Variants in GRB10 observed in about 807,000 individuals in gnomAD.
The protein encoded by GRB10 is growth factor receptor bound protein 10, also known as growth factor receptor-bound protein 10.
In GRB10, 20 loss-of-function variants were observed where a neutral mutation model predicts 80.9. The ratio of observed to expected loss-of-function variants is 0.25; its 90% CI spans 0.17 to 0.36. The LOEUF (loss-of-function observed/expected upper bound fraction) is 0.36, where lower values mean the gene tolerates loss of function less well. GRB10 is among the 10% of genes least tolerant of loss of function. The pLI is 1.00. For missense variants in GRB10, 548 were observed against 747.7 expected (o/e 0.73, Z 3.12); for synonymous variants, 291 against 291.5 (o/e 1.00, Z 0.02).
intron 1 of GRB10, among the ~76,000 whole-genome samples, chr7:50,790,850 G>T (rs1282209536): frequency 6.6e-6 from 1 of 152,244 alleles, no homozygotes; most frequent in East Asian, 1.9e-4. Flanking sequence ...GCTGGAGTTT[G>T]ATTTCTACAC....
At chr7:50,631,951 C>T (rs1339202766) in intron 7 of GRB10, among the ~76,000 whole-genome samples, 1 of 152,192 alleles carries the variant, frequency 6.6e-6, no homozygotes, top group Admixed American at 6.5e-5. Flanking sequence ...CTGCAACCCA[C>T]TACCCAGCGT....
chr7:50,628,483 G>GACCCTCCTACAGCTAGCT (rs2053402551), intron 7 of GRB10, among the ~76,000 whole-genome samples: 1 of 151,972 alleles, frequency 6.6e-6, no homozygotes, highest in Non-Finnish European at 1.5e-5. Context: ...GGACCCTCTT[G>GACCCTCCTACAGCTAGCT]ACCCTCCTAC....
At chr7:50,676,874 G>A (rs747463277) in intron 5 of GRB10, among the ~76,000 whole-genome samples, 2 of 152,162 alleles carry the variant, frequency 1.3e-5, no homozygotes, top group Non-Finnish European at 2.9e-5. Flanking sequence ...GGTGAAGACA[G>A]ACAGATAGAA....
chr7:50,704,777 T>C (rs2064809341), intron 4 of GRB10, among the ~76,000 whole-genome samples: 1 of 152,228 alleles, frequency 6.6e-6, no homozygotes, highest in Non-Finnish European at 1.5e-5. Flanking sequence ...TGCGAGGTGC[T>C]GGCGACAGCC....
In GRB10 at chr7:50,674,615, T is replaced by G; in HGVS notation, c.183A>C (p.Ala61=). 1 of 1,613,886 alleles carries G rather than the reference T, an allele frequency of 6.2e-7. No individual in the cohort carries two copies. The change falls in exon 6 of 19, where the codon GCA becomes GCC. Residue 61 remains alanine, a synonymous_variant. Transcript: ENST00000401949. ...AGGCCGAGTACAGGCTCTCCAGGGATGCATTCATATCGTTCACCAGGGCTT... is the reference window on the plus strand; with the variant it reads ...AGGCCGAGTACAGGCTCTCCAGGGAGGCATTCATATCGTTCACCAGGGCTT... ...DLEALVNDMN[A]SLESLYSACS...
intron 3 of GRB10, among the ~76,000 whole-genome samples, chr7:50,744,229 G>A (rs1256231435): frequency 6.6e-6 from 1 of 152,168 alleles, no homozygotes; most frequent in African/African-American, 2.4e-5. Context: ...GAAAAGAAAA[G>A]AAACCGCGTA....
intron 13 of GRB10, among the ~76,000 whole-genome samples, chr7:50,610,692 T>A (rs999723760): frequency 1.3e-5 from 2 of 152,198 alleles, no homozygotes; most frequent in Non-Finnish European, 2.9e-5. Flanking sequence ...ATAATATGCA[T>A]GTCACTGAGC....
chr7:50,622,097 G>A (rs574856329), intron 8 of GRB10, among the ~76,000 whole-genome samples: 2 of 152,290 alleles, frequency 1.3e-5, no homozygotes, highest in African/African-American at 2.4e-5. Context: ...CCCACCCAAG[G>A]GAGAGAAAAG....
intron 2 of GRB10, among the ~76,000 whole-genome samples, chr7:50,769,690 C>CTG (rs2076773012): frequency 6.6e-6 from 1 of 152,094 alleles, no homozygotes; most frequent in South Asian, 2.1e-4. Flanking sequence ...ACAGCCACAT[C>CTG]TGTGTGTGTA....
At chr7:50,740,984 A>G (rs2071635218) in intron 3 of GRB10, among the ~76,000 whole-genome samples, 1 of 152,228 alleles carries the variant, frequency 6.6e-6, no homozygotes, top group African/African-American at 2.4e-5. Context: ...CAAAGAAACA[A>G]TAATCCAAAT....
chr7:50,790,127 G>A (rs28464059), intron 1 of GRB10, among the ~76,000 whole-genome samples: 14,030 of 152,228 alleles, frequency 0.092, 2,160 homozygotes, highest in African/African-American at 0.32. Context: ...CCAGCCAAGA[G>A]GAACAAGGAG....
Position 50,713,452 on chromosome 7 carries a change from T to G in GRB10, c.52-9544A>C, listed in dbSNP as rs1186826258. ...CCCCCACCATCATTTCATTACCACC[T>G]CCATCATCACCTCCAGCACTTCAAC... On this transcript the variant is annotated intron_variant, in intron 4 of 18. Coordinates refer to ENST00000401949, the MANE Select transcript of GRB10 (RefSeq NM_001350814.2). Among the ~76,000 whole-genome samples, 3 of 138,958 alleles carry G rather than the reference T, an allele frequency of 2.2e-5. No individual in the cohort carries two copies. In the South Asian group the frequency reaches 7.5e-4, roughly 35 times the overall value. 91.2% of individuals were successfully genotyped at this position (138,958 alleles called of 152,430 possible).
chr7:50,635,150 A>T (rs917101220), intron 7 of GRB10, among the ~76,000 whole-genome samples: 3 of 152,246 alleles, frequency 2.0e-5, no homozygotes, highest in Non-Finnish European at 4.4e-5. Context: ...ATTTCAATAA[A>T]TTTTTTAAAA....
chr7:50,683,531 G>A (rs986393984), intron 5 of GRB10, among the ~76,000 whole-genome samples: 2 of 152,302 alleles, frequency 1.3e-5, no homozygotes, highest in African/African-American at 4.8e-5. Flanking sequence ...GAGGTCAGGA[G>A]TTCGAGACCA....
upstream of GRB10, among the ~76,000 whole-genome samples, chr7:50,783,955 C>T (rs1184029294): frequency 1.3e-5 from 2 of 152,140 alleles, no homozygotes; most frequent in Non-Finnish European, 2.9e-5. Flanking sequence ...AGAGGTTCCA[C>T]GGTGGTCATG....
intron 4 of GRB10, chr7:50,729,281 A>C (rs1056018290): frequency 1.3e-4 from 20 of 152,374 alleles, no homozygotes; most frequent in Middle Eastern, 3.4e-3. Context: ...GAAATTCAAC[A>C]GTAAATTTAA....
chr7:50,630,742 G>A (rs2053843978), intron 7 of GRB10, among the ~76,000 whole-genome samples: 1 of 152,154 alleles, frequency 6.6e-6, no homozygotes, highest in African/African-American at 2.4e-5. Flanking sequence ...ATTAAAGAGG[G>A]CATAATTATG....
At chr7:50,636,511 T>G (rs1287838899) in intron 7 of GRB10, among the ~76,000 whole-genome samples, 1 of 152,064 alleles carries the variant, frequency 6.6e-6, no homozygotes, top group Non-Finnish European at 1.5e-5. Context: ...AATCCAACAG[T>G]ACATTAAAAA....
chr7:50,683,798 G>A (rs907697130), intron 5 of GRB10, among the ~76,000 whole-genome samples: 1 of 152,012 alleles, frequency 6.6e-6, no homozygotes, highest in Non-Finnish European at 1.5e-5. Context: ...ATTGTGTTAG[G>A]TATATTTTAC....
Sources: allele counts gnomAD v4.1 joint callset (sites outside exome capture counted in the v4.1 genomes callset), GRCh38; gene constraint gnomAD v4.1.1; transcripts MANE v1.5; gene names NCBI Gene and HGNC (gene_info 2026-07-23, HGNC 2026-07-21).